The following NANS variants were observed in gnomAD, a reference collection of about 807,000 sequenced individuals.
The protein encoded by NANS is N-acetylneuraminate synthase.
In NANS, 29 loss-of-function variants were observed where a neutral mutation model predicts 33.3. The ratio of observed to expected loss-of-function variants is 0.87; its 90% CI spans 0.65 to 1.19. The LOEUF is 1.19. NANS is among the 50% of genes most tolerant of loss of function. NANS has a pLI of 0.00. For synonymous variants in NANS, 163 were observed against 177.2 expected (o/e 0.92, Z 0.64); for missense variants, 394 against 461.1 (o/e 0.85, Z 1.33).
intron 2 of NANS, among the ~76,000 whole-genome samples, chr9:98,070,831 G>A (rs1829307843): frequency 6.7e-6 from 1 of 150,272 alleles, no homozygotes; most frequent in African/African-American, 2.4e-5. Context: ...TTGAGACAGG[G>A]TCTCACTCTG....
intron 2 of NANS, among the ~76,000 whole-genome samples, chr9:98,072,202 T>C (rs1408807978): frequency 1.3e-5 from 2 of 152,176 alleles, no homozygotes; most frequent in Non-Finnish European, 2.9e-5. Context: ...CTCCTGGGGC[T>C]ATCTGGAGGA....
At chr9:98,062,656 A>G (rs542234953) in intron 2 of NANS, among the ~76,000 whole-genome samples, 2 of 152,184 alleles carry the variant, frequency 1.3e-5, no homozygotes, top group South Asian at 4.1e-4. Flanking sequence ...TTAACATTAT[A>G]GCACAAACTT....
intron 2 of NANS, among the ~76,000 whole-genome samples, chr9:98,071,645 C>G (rs1829342728): frequency 6.6e-6 from 1 of 152,202 alleles, no homozygotes; most frequent in African/African-American, 2.4e-5. Context: ...TGGCTTTGTC[C>G]TTAACTCTCA....
At chr9:98,075,368 G>A (rs1829536892) in intron 2 of NANS, 1 of 150,274 alleles carries the variant, frequency 6.7e-6, no homozygotes, top group South Asian at 2.1e-4. Flanking sequence ...AAAGGTGAAG[G>A]AAGGGAGGAA....
intron 2 of NANS, chr9:98,074,556 A>C (rs1036703505): frequency 6.6e-6 from 1 of 152,136 alleles, no homozygotes; most frequent in Admixed American, 6.6e-5. Flanking sequence ...CAGTTTTCTA[A>C]ATGTCCACTG....
intron 1 of NANS, among the ~76,000 whole-genome samples, chr9:98,060,489 C>T (rs2131619294): frequency 6.6e-6 from 1 of 152,054 alleles, no homozygotes; most frequent in Admixed American, 6.5e-5. Flanking sequence ...GCCAATGTGG[C>T]GAAACCTTGT....
At chr9:98,059,032 T>A (rs1051321968) in intron 1 of NANS, among the ~76,000 whole-genome samples, 1 of 152,050 alleles carries the variant, frequency 6.6e-6, no homozygotes, top group African/African-American at 2.4e-5. Flanking sequence ...AGTTTTTATT[T>A]TTTTTTTTCA....
rs1189170315 is a variant in NANS, at chr9:98,057,903, TTTTTTTTTTTTTTTCCTGG to T, written c.132+978_132+996del. ...CCAGGCTGGAGGTTTTCTCTTACTG[TTTTTTTTTTTTTTTCCTGG>T]TTTTTTTTTTTTTTTTTTTTGAGAC... On this transcript the variant is annotated intron_variant, in intron 1 of 5. Transcript: ENST00000210444. Among the ~76,000 whole-genome samples the T allele has an allele frequency of 1.8e-3, 49 of 26,910 alleles. No individual in the cohort carries two copies. The African/African-American group carries it at 0.043, about 24-fold the overall frequency. The allele number at this position is 26,910 out of a possible 152,430, so 17.7% of individuals were successfully genotyped here.
intron 2 of NANS, 196 bp downstream of exon 2, chr9:98,061,193 C>A: frequency 1.7e-6 from 1 of 589,680 alleles, no homozygotes; most frequent in Non-Finnish European, 3.0e-6. Context: ...CACATTGTCT[C>A]TGGCCGGGCT....
intron 4 of NANS, among the ~76,000 whole-genome samples, chr9:98,079,863 C>A (rs903787445): frequency 6.6e-6 from 1 of 152,212 alleles, no homozygotes; most frequent in Non-Finnish European, 1.5e-5. Flanking sequence ...CTCCATCACA[C>A]ACCCTTAAGC....
At chr9:98,080,297 CCAA>C (rs1366280490) in intron 4 of NANS, among the ~76,000 whole-genome samples, 5 of 152,218 alleles carry the variant, frequency 3.3e-5, no homozygotes, top group Non-Finnish European at 7.3e-5. Context: ...GTCACCCTCA[CCAA>C]CAAGACTCAC....
At chr9:98,062,697 A>G (rs1197663954) in intron 2 of NANS, among the ~76,000 whole-genome samples, 1 of 151,706 alleles carries the variant, frequency 6.6e-6, no homozygotes, top group Non-Finnish European at 1.5e-5. Context: ...AGATTTTAAT[A>G]GCAACGTAAT....
intron 2 of NANS, among the ~76,000 whole-genome samples, chr9:98,067,398 C>T (rs1296561729): frequency 6.6e-6 from 1 of 152,186 alleles, no homozygotes; most frequent in Non-Finnish European, 1.5e-5. Flanking sequence ...TGCTTCACAT[C>T]CTCATCATTT....
At chr9:98,064,280 G>T (rs573144586) in intron 2 of NANS, among the ~76,000 whole-genome samples, 1 of 151,888 alleles carries the variant, frequency 6.6e-6, no homozygotes, top group African/African-American at 2.4e-5. Context: ...TAAAGACGGA[G>T]TCTTGGTCTG....
rs1179470957 is a variant in NANS, at chr9:98,082,665, A to AATC, written c.871-180_871-178dup. 3.3e-5 allele frequency among the ~76,000 whole-genome samples: 5 copies of AATC among 152,206 alleles called. No homozygotes were observed. The East Asian group carries it at 5.8e-4, about 18-fold the overall frequency. ...GCTCCTCCTCTGAGTCTCTGAATTC[A>AATC]ATCTATACTGGTTGAATTCCTGCCA... On this transcript the variant is annotated intron_variant, in intron 5 of 5. Transcript: ENST00000210444.
chr9:98,073,235 CCT>C (rs1281224703), intron 2 of NANS, among the ~76,000 whole-genome samples: 1 of 149,668 alleles, frequency 6.7e-6, no homozygotes, highest in Non-Finnish European at 1.5e-5. Flanking sequence ...ACACCCTTCC[CCT>C]GACTCCCTGT....
At chr9:98,077,974 C>G in intron 3 of NANS, 1 of 589,150 alleles carries the variant, frequency 1.7e-6, no homozygotes, top group Non-Finnish European at 3.0e-6. Flanking sequence ...TCCTTTTGCT[C>G]AAGAACACTG....
At chr9:98,079,331 T>G (rs1159845030) in intron 4 of NANS, among the ~76,000 whole-genome samples, 2 of 152,198 alleles carry the variant, frequency 1.3e-5, no homozygotes, top group African/African-American at 4.8e-5. Flanking sequence ...GTAACATTAA[T>G]GGAATTCTAT....
Position 98,077,116 on chromosome 9 carries a change from A to T in NANS, c.448+99A>T, listed in dbSNP as rs1022599615. The T allele has an allele frequency of 4.9e-5, 43 of 882,772 alleles. 1 individual carries two copies. The African/African-American group carries it at 6.7e-4, about 14-fold the overall frequency. The allele number at this position is 882,772 out of a possible 1,614,324, so 54.7% of individuals were successfully genotyped here. On this transcript the variant is annotated intron_variant, in intron 3 of 5. Transcript: ENST00000210444. ...CACTTTCAGCAGATTTCATGAAGACAAATTTTAGCCTCTTTTCATTTTTTT... is the reference window on the plus strand; with the variant it reads ...CACTTTCAGCAGATTTCATGAAGACTAATTTTAGCCTCTTTTCATTTTTTT...
Sources: allele counts gnomAD v4.1 joint callset (sites outside exome capture counted in the v4.1 genomes callset), GRCh38; gene constraint gnomAD v4.1.1; transcripts MANE v1.5; gene names NCBI Gene and HGNC (gene_info 2026-07-23, HGNC 2026-07-21).